The following RNF4 variants were observed in gnomAD, a reference collection of about 807,000 sequenced individuals.
RNF4 encodes the protein E3 ubiquitin-protein ligase RNF4.
Under a neutral mutation model 24.3 loss-of-function variants are expected in RNF4, and 7 were observed. That is an observed-to-expected ratio of 0.29 (90% CI 0.16 to 0.54). The LOEUF (loss-of-function observed/expected upper bound fraction) is 0.54, where lower values mean the gene tolerates loss of function less well. RNF4 is among the 20% of genes least tolerant of loss of function. RNF4 has a pLI of 0.95. For missense variants in RNF4, 209 were observed against 248.5 expected (o/e 0.84, Z 1.07); for synonymous variants, 83 against 84.3 (o/e 0.98, Z 0.09).
intron 1 of RNF4, among the ~76,000 whole-genome samples, chr4:2,484,957 C>T (rs562547579): frequency 1.2e-4 from 18 of 152,144 alleles, no homozygotes; most frequent in Non-Finnish European, 1.9e-4. Flanking sequence ...CCTCGATGGC[C>T]CTGTCCTGAG....
intron 4 of RNF4, among the ~76,000 whole-genome samples, chr4:2,506,863 C>T (rs1372854711): frequency 2.0e-5 from 3 of 152,178 alleles, no homozygotes; most frequent in African/African-American, 7.2e-5. Flanking sequence ...AGCCACTGAG[C>T]CTGACCTTGG....
At chr4:2,489,145 C>G (rs1410322549) in intron 1 of RNF4, among the ~76,000 whole-genome samples, 1 of 152,172 alleles carries the variant, frequency 6.6e-6, no homozygotes, top group African/African-American at 2.4e-5. Context: ...TTGCCTGGCT[C>G]AAGAGATGTG....
At chr4:2,483,473 G>A (rs2108755347) in intron 1 of RNF4, among the ~76,000 whole-genome samples, 1 of 152,310 alleles carries the variant, frequency 6.6e-6, no homozygotes, top group Middle Eastern at 3.4e-3. Context: ...TTAAGGTGTG[G>A]TTATTGATAT....
intron 1 of RNF4, among the ~76,000 whole-genome samples, chr4:2,488,980 T>TTTTGTA (rs1394360109): frequency 6.6e-6 from 1 of 151,972 alleles, no homozygotes; most frequent in African/African-American, 2.4e-5. Flanking sequence ...CAGGCTAATT[T>TTTTGTA]TTTGTATTTT....
At position 2,478,816 on chromosome 4, in the gene RNF4, AG is replaced by A. The variant is rs1335867519; in HGVS notation, c.-158+9559del. Among the ~76,000 whole-genome samples, 11 of 152,346 alleles carry A rather than the reference AG, an allele frequency of 7.2e-5. 1 individual carries two copies. Among genetic ancestry groups the A allele is most frequent in the Admixed American group, 2.0e-4 (3 of 15,304 alleles). Reference sequence around the variant, plus strand: ...GGGAAATGTGGGGTTGGAGCCCCCAAGCAGAGTCCCTACTGGAGCACCACCT... The same window carrying A: ...GGGAAATGTGGGGTTGGAGCCCCCAACAGAGTCCCTACTGGAGCACCACCT... On this transcript the variant is annotated intron_variant, in intron 1 of 7. Coordinates refer to ENST00000314289, the MANE Select transcript of RNF4 (RefSeq NM_002938.5).
chr4:2,506,556 T>TTTC (rs954411872), intron 4 of RNF4, among the ~76,000 whole-genome samples: 7 of 151,766 alleles, frequency 4.6e-5, no homozygotes, highest in South Asian at 4.1e-4. Context: ...ATTTGTTTTT[T>TTTC]TTCTTCTTCT....
At position 2,513,225 on chromosome 4, in the gene RNF4, G is replaced by C; in HGVS notation, c.423+94G>C. On this transcript the variant is annotated intron_variant, in intron 7 of 7. Transcript: ENST00000314289. ...AGGATCTTCCCCCTCGGTGGGATTG[G>C]ACACCCCTACTCACAGTCATGCCTG... 2.5e-6 allele frequency: 3 copies of C among 1,178,288 alleles called. No individual in the cohort carries two copies. The South Asian group carries it at 3.7e-5, about 14-fold the overall frequency. 73.0% of individuals were successfully genotyped at this position (1,178,288 alleles called of 1,614,324 possible).
At chr4:2,492,167 C>T (rs932329982) in intron 2 of RNF4, among the ~76,000 whole-genome samples, 2 of 151,592 alleles carry the variant, frequency 1.3e-5, no homozygotes, top group East Asian at 3.9e-4. Context: ...CCACTGCAGT[C>T]CAGCCTGGGG....
intron 3 of RNF4, among the ~76,000 whole-genome samples, chr4:2,498,244 C>G (rs1017461650): frequency 6.6e-6 from 1 of 151,932 alleles, no homozygotes; most frequent in South Asian, 2.1e-4. Flanking sequence ...AGTGCAATCG[C>G]GTGATCTCGG....
At chr4:2,487,059 T>C (rs1319466092) in intron 1 of RNF4, among the ~76,000 whole-genome samples, 1 of 152,140 alleles carries the variant, frequency 6.6e-6, no homozygotes, top group Non-Finnish European at 1.5e-5. Flanking sequence ...ACTAGACAAG[T>C]CTTTTCCTAG....
In RNF4 at chr4:2,515,374, T is replaced by C. The variant is rs186817993; in HGVS notation, c.*1555T>C. 1.3e-5 allele frequency: 2 copies of C among 152,764 alleles called. No individual in the cohort carries two copies. Among genetic ancestry groups the C allele is most frequent in the East Asian group, 3.9e-4 (2 of 5,190 alleles). 9.5% of individuals were successfully genotyped at this position (152,764 alleles called of 1,614,324 possible). A position where few individuals can be genotyped will look rare whatever the true frequency, so the allele number is the denominator to read the frequency against. ...CACTTCCAGTTAGTTTGAATGAAAA[T>C]AATAATTTTCTACTTGGAGTTGAAG... On this transcript the variant is annotated 3_prime_UTR_variant, in exon 8 of 8. Transcript: ENST00000314289.
intron 1 of RNF4, among the ~76,000 whole-genome samples, chr4:2,483,683 A>T (rs1293194959): frequency 6.6e-6 from 1 of 152,008 alleles, no homozygotes; most frequent in Non-Finnish European, 1.5e-5. Context: ...GGGTTCCTGT[A>T]ATCCCAGCTA....
intron 1 of RNF4, among the ~76,000 whole-genome samples, chr4:2,489,248 G>A (rs141753527): frequency 3.3e-5 from 5 of 152,292 alleles, no homozygotes; most frequent in African/African-American, 7.2e-5. Flanking sequence ...CAAATGTTTC[G>A]GAAAGATGGC....
chr4:2,496,522 G>C (rs373962303), intron 2 of RNF4, among the ~76,000 whole-genome samples: 1 of 152,026 alleles, frequency 6.6e-6, no homozygotes, highest in Non-Finnish European at 1.5e-5. Context: ...GTACAGTGAC[G>C]CGATCTCGCC....
chr4:2,505,225 C>T (rs1321059187), intron 4 of RNF4: 10 of 151,958 alleles, frequency 6.6e-5, no homozygotes, highest in East Asian at 1.9e-4. Context: ...GAGAAGACAT[C>T]GTGGAGCGGA....
chr4:2,471,867 G>A (rs1180201822), intron 1 of RNF4, among the ~76,000 whole-genome samples: 3 of 152,186 alleles, frequency 2.0e-5, no homozygotes, highest in Non-Finnish European at 2.9e-5. Context: ...TAGTTCATGA[G>A]GTTTAAGGGA....
chr4:2,472,989 A>T (rs1099778), intron 1 of RNF4, among the ~76,000 whole-genome samples: 1 of 151,682 alleles, frequency 6.6e-6, no homozygotes, highest in Middle Eastern at 3.2e-3. Flanking sequence ...GCAGTGAGCC[A>T]AGATAGCACC....
chr4:2,482,250 G>C (rs1735265990), intron 1 of RNF4, among the ~76,000 whole-genome samples: 1 of 152,200 alleles, frequency 6.6e-6, no homozygotes, highest in Non-Finnish European at 1.5e-5. Flanking sequence ...CAAATAATCA[G>C]ATTTGTGAGT....
At position 2,512,251 on chromosome 4, in the gene RNF4, G is replaced by A. The variant is rs958044033; in HGVS notation, c.215-187G>A. The A allele has an allele frequency of 1.9e-5, 14 of 735,898 alleles. No homozygotes were observed. The highest frequency in any genetic ancestry group is 1.8e-4 in the African/African-American group (10 of 56,564). 45.6% of individuals were successfully genotyped at this position (735,898 alleles called of 1,614,324 possible). On this transcript the variant is annotated intron_variant, in intron 5 of 7. Coordinates refer to ENST00000314289, the MANE Select transcript of RNF4 (RefSeq NM_002938.5). This position sits in a 1 kb window ranked among gnomAD's most constrained non-coding sequence, Gnocchi z 4.1. The stretch of plus-strand genomic sequence containing the variant: ...CAGCAGGGGTTGGGGGGTTTCTCCT[G>A]GGAAGATAAGATAGTGGCCTCCAGA...
Sources: allele counts gnomAD v4.1 joint callset (sites outside exome capture counted in the v4.1 genomes callset), GRCh38; gene constraint gnomAD v4.1.1; non-coding constraint Gnocchi (gnomAD v3.1); transcripts MANE v1.5; gene names NCBI Gene and HGNC (gene_info 2026-07-23, HGNC 2026-07-21).